GLIPR1L2: variants seen among roughly 807,000 people sequenced by gnomAD.
GLIPR1L2 encodes the protein GLIPR1-like protein 2.
In GLIPR1L2, 21 loss-of-function variants were observed where a neutral mutation model predicts 28.4. The ratio of observed to expected loss-of-function variants is 0.74; its 90% CI spans 0.52 to 1.06. The LOEUF is 1.06. GLIPR1L2 is among the 50% of genes least tolerant of loss of function. The pLI, the probability that GLIPR1L2 is intolerant of heterozygous loss-of-function variation, is 0.00. For missense variants in GLIPR1L2, 476 were observed against 416.9 expected, an observed-to-expected ratio of 1.14 and a Z score of -1.23; for synonymous variants, 145 against 139.3, an observed-to-expected ratio of 1.04 and a Z score of -0.29.
intron 2 of GLIPR1L2, among the ~76,000 whole-genome samples, chr12:75,411,148 T>C (rs577151993): frequency 1.3e-5 from 2 of 152,018 alleles, no homozygotes; most frequent in East Asian, 1.9e-4. Context: ...TCCAGGAATA[T>C]TGAAGCACTT....
intron 1 of GLIPR1L2, among the ~76,000 whole-genome samples, chr12:75,394,572 C>G (rs538789173): frequency 2.4e-4 from 37 of 151,918 alleles, no homozygotes; most frequent in Middle Eastern, 3.4e-3. Context: ...TTGGGGCCCT[C>G]TATTCCATTC....
intron 2 of GLIPR1L2, 29 bp downstream of exon 2, chr12:75,410,708 C>G (rs760049831): frequency 6.7e-7 from 1 of 1,489,100 alleles, no homozygotes; most frequent in Non-Finnish European, 9.2e-7. Flanking sequence ...GTTATTAATT[C>G]AAACACTTCT....
intron 4 of GLIPR1L2, among the ~76,000 whole-genome samples, chr12:75,429,462 A>C (rs186274128): frequency 2.0e-5 from 3 of 152,292 alleles, no homozygotes; most frequent in Non-Finnish European, 4.4e-5. Flanking sequence ...ACAAGCTTAT[A>C]GATGGAAGGG....
At chr12:75,401,551 A>G (rs868160603) in intron 1 of GLIPR1L2, among the ~76,000 whole-genome samples, 1 of 152,024 alleles carries the variant, frequency 6.6e-6, no homozygotes, top group Admixed American at 6.5e-5. Context: ...TAGATTTGAC[A>G]AGTAAATTAT....
intron 1 of GLIPR1L2, among the ~76,000 whole-genome samples, chr12:75,399,434 A>G (rs2045715964): frequency 6.6e-6 from 1 of 152,218 alleles, no homozygotes; most frequent in South Asian, 2.1e-4. Context: ...TTCCCCACAG[A>G]CAAGACAACA....
chr12:75,402,024 T>G (rs1436997668), intron 1 of GLIPR1L2, among the ~76,000 whole-genome samples: 73 of 152,140 alleles, frequency 4.8e-4, no homozygotes, highest in Non-Finnish European at 1.2e-4. Context: ...ACATTCGTGA[T>G]AAGCCTCAGG....
intron 1 of GLIPR1L2, 64 bp from the exon 2 acceptor site, chr12:75,410,370 A>G: frequency 7.1e-7 from 1 of 1,404,206 alleles, no homozygotes; most frequent in Non-Finnish European, 9.5e-7. Flanking sequence ...TAACTCAAGA[A>G]AAAATATTTT....
chr12:75,418,353 C>T (rs1299495112), intron 3 of GLIPR1L2, among the ~76,000 whole-genome samples: 1 of 151,982 alleles, frequency 6.6e-6, no homozygotes, highest in African/African-American at 2.4e-5. Context: ...AAAGTGAAGT[C>T]ATGAAAGCTA....
intron 1 of GLIPR1L2, among the ~76,000 whole-genome samples, chr12:75,393,100 C>G (rs900179141): frequency 6.6e-6 from 1 of 151,882 alleles, no homozygotes; most frequent in African/African-American, 2.4e-5. Context: ...TAAACTCCAC[C>G]CAAATATTAA....
intron 2 of GLIPR1L2, among the ~76,000 whole-genome samples, chr12:75,411,028 A>G (rs2045861644): frequency 6.6e-6 from 1 of 151,914 alleles, no homozygotes; most frequent in Non-Finnish European, 1.5e-5. Context: ...GCTTTTGGAC[A>G]TATCAGTACA....
intron 4 of GLIPR1L2, among the ~76,000 whole-genome samples, chr12:75,428,573 A>G (rs1220090811): frequency 6.6e-6 from 1 of 152,178 alleles, no homozygotes; most frequent in African/African-American, 2.4e-5. Flanking sequence ...AGAAATTTGC[A>G]TAAGTAACAA....
At chr12:75,418,680 T>C (rs7954241) in intron 3 of GLIPR1L2, among the ~76,000 whole-genome samples, 10 of 152,182 alleles carry the variant, frequency 6.6e-5, no homozygotes, top group African/African-American at 2.4e-4. Flanking sequence ...TAGTTCCATA[T>C]GAAATTTAAA....
At position 75,391,113 on chromosome 12, in the gene GLIPR1L2, G is replaced by C; in HGVS notation, c.-4G>C. The C allele has an allele frequency of 6.2e-7, 1 of 1,607,180 alleles. No individual in the cohort carries two copies. The highest frequency in any genetic ancestry group is 1.1e-5 in the South Asian group (1 of 90,890). ...CGCACTGGCCTGTCAGCGGCCGGTGGACCATGGAGGCCGCAAGGCCCTTCG... is the reference window on the plus strand; with the variant it reads ...CGCACTGGCCTGTCAGCGGCCGGTGCACCATGGAGGCCGCAAGGCCCTTCG... On this transcript the variant is annotated 5_prime_UTR_variant, in exon 1 of 6. Coordinates refer to ENST00000550916, the MANE Select transcript of GLIPR1L2 (RefSeq NM_001270396.2).
At chr12:75,408,769 TATG>T (rs369709550) in intron 1 of GLIPR1L2, among the ~76,000 whole-genome samples, 253 of 152,128 alleles carry the variant, frequency 1.7e-3, no homozygotes, top group African/African-American at 5.8e-3. Context: ...TAATATTATA[TATG>T]ATATGATCAC....
chr12:75,427,623 C>T (rs1020305244), intron 4 of GLIPR1L2, among the ~76,000 whole-genome samples: 3 of 152,166 alleles, frequency 2.0e-5, no homozygotes, highest in African/African-American at 7.2e-5. Context: ...GATTGGTTAT[C>T]TGACCATCAT....
chr12:75,426,064 A>T (rs10785190), intron 4 of GLIPR1L2, among the ~76,000 whole-genome samples: 1 of 151,992 alleles, frequency 6.6e-6, no homozygotes, highest in African/African-American at 2.4e-5. Context: ...ACTAGAGAGA[A>T]ATATATAGAT....
intron 4 of GLIPR1L2, 82 bp downstream of exon 4, chr12:75,423,071 G>T (rs766601101): frequency 3.7e-6 from 6 of 1,600,790 alleles, no homozygotes; most frequent in Non-Finnish European, 5.1e-6. Flanking sequence ...AGTTTTTTAT[G>T]GTCATGTTAA....
intron 1 of GLIPR1L2, among the ~76,000 whole-genome samples, chr12:75,401,664 G>A (rs185242178): frequency 1.2e-4 from 19 of 152,018 alleles, no homozygotes; most frequent in African/African-American, 3.6e-4. Flanking sequence ...AATTTTACAC[G>A]CTAAATTTCT....
At chr12:75,407,064 C>T (rs2045810627) in intron 1 of GLIPR1L2, among the ~76,000 whole-genome samples, 2 of 152,074 alleles carry the variant, frequency 1.3e-5, no homozygotes, top group African/African-American at 4.8e-5. Context: ...CTACACTGGC[C>T]TGTCTTCAGC....
Sources: allele counts gnomAD v4.1 joint callset (sites outside exome capture counted in the v4.1 genomes callset), GRCh38; gene constraint gnomAD v4.1.1; transcripts MANE v1.5; gene names NCBI Gene and HGNC (gene_info 2026-07-23, HGNC 2026-07-21).